Variants in PRKCA observed in about 807,000 individuals in gnomAD.
PRKCA encodes the protein protein kinase C alpha type.
A neutral mutation model predicts 87.0 loss-of-function variants in PRKCA; 27 were observed. The ratio of observed to expected loss-of-function variants is 0.31; its 90% CI spans 0.23 to 0.43. The LOEUF is 0.43. Among genes scored for constraint, PRKCA ranks in the 20% least tolerant of loss-of-function variants. The probability of loss-of-function intolerance (pLI) is 1.00; values close to 1 mark genes in which losing one functional copy is unlikely to be tolerated. For missense variants in PRKCA, 518 were observed against 852.3 expected, an observed-to-expected ratio of 0.61 and a Z score of 4.88; for synonymous variants, 329 against 311.1, an observed-to-expected ratio of 1.06 and a Z score of -0.61.
intron 5 of PRKCA, among the ~76,000 whole-genome samples, chr17:66,678,385 G>A (rs1486366592): frequency 2.0e-5 from 3 of 152,194 alleles, no homozygotes; most frequent in Non-Finnish European, 2.9e-5. Flanking sequence ...TGTCTTAACT[G>A]GGAAGTTTGC....
chr17:66,388,912 C>T (rs1845262821), intron 2 of PRKCA, among the ~76,000 whole-genome samples: 1 of 152,064 alleles, frequency 6.6e-6, no homozygotes, highest in East Asian at 1.9e-4. Context: ...AGGGTGACCT[C>T]ATTTTTTGTT....
intron 3 of PRKCA, among the ~76,000 whole-genome samples, chr17:66,578,410 C>T (rs1437462332): frequency 6.6e-6 from 1 of 152,182 alleles, no homozygotes; most frequent in Non-Finnish European, 1.5e-5. Context: ...GGGAATGCAG[C>T]ATGAGGGAGT....
chr17:66,391,413 A>G (rs866635194), intron 2 of PRKCA, among the ~76,000 whole-genome samples: 35 of 152,208 alleles, frequency 2.3e-4, no homozygotes, highest in African/African-American at 7.9e-4. Context: ...CTCCCATCCA[A>G]ATGCCTTATG....
At chr17:66,501,676 G>A (rs1434604617) in intron 3 of PRKCA, among the ~76,000 whole-genome samples, 1 of 152,194 alleles carries the variant, frequency 6.6e-6, no homozygotes, top group Non-Finnish European at 1.5e-5. Context: ...TTGGGGCTCT[G>A]CCCAGTACCC....
Position 66,309,743 on chromosome 17 carries a change from A to C in PRKCA, c.205+3616A>C, listed in dbSNP as rs28587296. On this transcript the variant is annotated intron_variant, in intron 2 of 16. Coordinates refer to ENST00000413366, the MANE Select transcript of PRKCA (RefSeq NM_002737.3). ...ATGTTTTTTTGCTTGATGTACCCCT[A>C]GCACTCATTTCATCTCCATAAAACT... is the stretch of plus-strand genomic sequence containing the variant. Among the ~76,000 whole-genome samples the C allele has an allele frequency of 1.0e-2, 1,521 of 152,272 alleles. 24 individuals carry two copies. The highest frequency in any genetic ancestry group is 0.035 in the African/African-American group (1,456 of 41,558).
chr17:66,375,558 G>A (rs1909371856), intron 2 of PRKCA, among the ~76,000 whole-genome samples: 1 of 152,162 alleles, frequency 6.6e-6, no homozygotes, highest in Non-Finnish European at 1.5e-5. Flanking sequence ...AGCATCCCAT[G>A]CATATCATAT....
intron 14 of PRKCA, among the ~76,000 whole-genome samples, chr17:66,784,355 C>G (rs1046785689): frequency 3.9e-5 from 6 of 152,234 alleles, no homozygotes; most frequent in African/African-American, 1.4e-4. Flanking sequence ...AAGTGATTCT[C>G]GTGCCTCAGC....
intron 3 of PRKCA, among the ~76,000 whole-genome samples, chr17:66,576,680 T>C (rs1184336205): frequency 6.6e-6 from 1 of 152,124 alleles, no homozygotes; most frequent in Non-Finnish European, 1.5e-5. Context: ...GCTAGTCATA[T>C]ATAAATTAGT....
intron 2 of PRKCA, among the ~76,000 whole-genome samples, chr17:66,484,495 T>C (rs1170205697): frequency 1.3e-5 from 2 of 152,200 alleles, no homozygotes; most frequent in African/African-American, 4.8e-5. Flanking sequence ...TTGACATATG[T>C]CATATAAAAG....
In PRKCA at chr17:66,742,733, T is replaced by C. The variant is rs778656380; in HGVS notation, c.1497T>C (p.Cys499=). Residue 499 remains cysteine (C), a synonymous_variant, in exon 13 of 17, where the codon TGT becomes TGC. Coordinates refer to ENST00000413366, the MANE Select transcript of PRKCA (RefSeq NM_002737.3). ...ATGGAGTCACGACCAGGACCTTCTG[T>C]GGGACTCCAGATTATATCGCCCCAG... is the stretch of plus-strand genomic sequence containing the variant. ...MMDGVTTRTF[C]GTPDYIAPEI... 3.7e-6 allele frequency: 6 copies of C among 1,614,158 alleles called. No individual in the cohort carries two copies. In the South Asian group the frequency reaches 4.4e-5, roughly 12 times the overall value.
chr17:66,550,680 G>A (rs1968298947), intron 3 of PRKCA, among the ~76,000 whole-genome samples: 1 of 152,044 alleles, frequency 6.6e-6, no homozygotes, highest in African/African-American at 2.4e-5. Context: ...AAGGCTCTGG[G>A]AATAGAAATG....
chr17:66,545,239 T>A (rs568265988), intron 3 of PRKCA, among the ~76,000 whole-genome samples: 1 of 152,062 alleles, frequency 6.6e-6, no homozygotes, highest in Non-Finnish European at 1.5e-5. Flanking sequence ...CCATCCTGGC[T>A]AACACGGTGA....
At chr17:66,729,777 ATTC>A (rs1308288652) in intron 8 of PRKCA, among the ~76,000 whole-genome samples, 1 of 81,024 alleles carries the variant, frequency 1.2e-5, no homozygotes, top group Non-Finnish European at 2.4e-5. Context: ...TGAGCGAGTT[ATTC>A]TTTTTTTTTT....
intron 11 of PRKCA, among the ~76,000 whole-genome samples, chr17:66,739,647 C>T (rs567888397): frequency 7.9e-5 from 12 of 152,250 alleles, no homozygotes; most frequent in African/African-American, 2.9e-4. Context: ...AAATGACCGG[C>T]TCAGAGGTGG....
At chr17:66,430,318 G>A (rs569352148) in intron 2 of PRKCA, among the ~76,000 whole-genome samples, 26 of 152,018 alleles carry the variant, frequency 1.7e-4, no homozygotes, top group Admixed American at 6.5e-4. Context: ...AGCTTTTGCA[G>A]CCTCAGCCCC....
chr17:66,406,585 G>GATTTTTTTTTTTTTTTTT (rs529714675), intron 2 of PRKCA, among the ~76,000 whole-genome samples: 2 of 70,180 alleles, frequency 2.8e-5, no homozygotes, highest in African/African-American at 9.2e-5. Context: ...GCTTTTCCAG[G>GATTTTTTTTTTTTTTTTT]TTTTTTTTTT....
chr17:66,347,151 AAATAGT>A (rs1363926993), intron 2 of PRKCA, among the ~76,000 whole-genome samples: 1 of 152,210 alleles, frequency 6.6e-6, no homozygotes, highest in South Asian at 2.1e-4. Context: ...AATTGATTTA[AAATAGT>A]AATAGTAATC....
At chr17:66,611,007 C>G (rs1970346489) in intron 3 of PRKCA, among the ~76,000 whole-genome samples, 1 of 134,704 alleles carries the variant, frequency 7.4e-6, no homozygotes, top group Admixed American at 7.5e-5. Flanking sequence ...GGAATTTTAT[C>G]ATCCCTGACA....
intron 2 of PRKCA, among the ~76,000 whole-genome samples, chr17:66,399,977 C>T (rs894675601): frequency 6.6e-5 from 10 of 152,062 alleles, no homozygotes; most frequent in African/African-American, 2.4e-4. Context: ...ATGAGCATTT[C>T]CTTGAGCATC....
Sources: allele counts gnomAD v4.1 joint callset (sites outside exome capture counted in the v4.1 genomes callset), GRCh38; gene constraint gnomAD v4.1.1; transcripts MANE v1.5; gene names NCBI Gene and HGNC (gene_info 2026-07-23, HGNC 2026-07-21).